The following AOPEP variants were observed in gnomAD, a reference collection of about 807,000 sequenced individuals.
The protein encoded by AOPEP is aminopeptidase O (putative), also known as aminopeptidase O.
In AOPEP, 77 loss-of-function variants were observed where a neutral mutation model predicts 98.1. The ratio of observed to expected loss-of-function variants is 0.78; its 90% confidence interval spans 0.65 to 0.95. AOPEP has a LOEUF of 0.95. Among genes scored for constraint, AOPEP ranks in the 40% least tolerant of loss-of-function variants. The pLI, the probability that AOPEP is intolerant of heterozygous loss-of-function variation, is 0.00. For missense variants in AOPEP, 1,024 were observed against 1,024.7 expected, an observed-to-expected ratio of 1.00 and a Z score of 0.01; for synonymous variants, 346 against 365.3, an observed-to-expected ratio of 0.95 and a Z score of 0.60.
chr9:94,852,722 C>T (rs184738729), intron 5 of AOPEP, among the ~76,000 whole-genome samples: 9 of 152,184 alleles, frequency 5.9e-5, no homozygotes, highest in East Asian at 3.8e-4. Flanking sequence ...TTTATTCTTA[C>T]GTATTTTATT....
intron 2 of AOPEP, among the ~76,000 whole-genome samples, chr9:94,765,495 G>A (rs1487686322): frequency 7.7e-6 from 1 of 129,906 alleles, no homozygotes; most frequent in Admixed American, 8.4e-5. Flanking sequence ...CAGCTACTTG[G>A]GAGGCTGAGG....
the AOPEP span, among the ~76,000 whole-genome samples, chr9:95,146,115 G>T: frequency 2.6e-5 from 4 of 152,046 alleles, no homozygotes; most frequent in Admixed American, 1.3e-4. Context: ...TTGTAGTTTT[G>T]TTTTTTTAAA....
intron 5 of AOPEP, among the ~76,000 whole-genome samples, chr9:94,805,998 T>C (rs781692924): frequency 2.0e-4 from 31 of 152,244 alleles, no homozygotes; most frequent in Non-Finnish European, 3.4e-4. Context: ...TTGAGAATTT[T>C]TCTTTGTTTG....
the AOPEP span, among the ~76,000 whole-genome samples, chr9:95,137,235 C>T: frequency 6.6e-6 from 1 of 152,128 alleles, no homozygotes; most frequent in Non-Finnish European, 1.5e-5. Flanking sequence ...ATGGGGAGAG[C>T]AGTTCCTAGA....
intron 5 of AOPEP, among the ~76,000 whole-genome samples, chr9:94,851,343 C>G (rs911810261): frequency 3.3e-5 from 5 of 152,136 alleles, no homozygotes; most frequent in Non-Finnish European, 7.3e-5. Flanking sequence ...CAGATATTTT[C>G]TCTTTGTATC....
intron 3 of AOPEP, among the ~76,000 whole-genome samples, chr9:94,789,477 G>A (rs1845169084): frequency 6.6e-6 from 1 of 152,010 alleles, no homozygotes; most frequent in South Asian, 2.1e-4. Flanking sequence ...TTAAACCAGA[G>A]GCTTTCAAAA....
At chr9:95,041,752 CT>C (rs1348470008) in intron 13 of AOPEP, among the ~76,000 whole-genome samples, 2 of 152,030 alleles carry the variant, frequency 1.3e-5, no homozygotes, top group Non-Finnish European at 2.9e-5. Flanking sequence ...CATGTTTGTC[CT>C]TTGTTTCATT....
intron 5 of AOPEP, among the ~76,000 whole-genome samples, chr9:94,873,916 T>C (rs6479579): frequency 0.95 from 144,850 of 152,212 alleles, 68,935 homozygotes; most frequent in Middle Eastern, 0.99. Flanking sequence ...ATTATACATC[T>C]TCTCTCAATG....
At chr9:94,960,412 GAA>G (rs771958751) in intron 9 of AOPEP, among the ~76,000 whole-genome samples, 5 of 132,476 alleles carry the variant, frequency 3.8e-5, no homozygotes, top group Admixed American at 7.6e-5. Flanking sequence ...CCATCTCAGG[GAA>G]AAAAAAAAAA....
chr9:94,903,387 G>A (rs1348911356), intron 5 of AOPEP, among the ~76,000 whole-genome samples: 2 of 152,042 alleles, frequency 1.3e-5, no homozygotes, highest in African/African-American at 4.8e-5. Flanking sequence ...CCCCATTGTG[G>A]GGGAAAGTGG....
intron 7 of AOPEP, chr9:94,933,525 G>T (rs1486761573): frequency 1.0e-6 from 1 of 985,254 alleles, no homozygotes; most frequent in African/African-American, 1.7e-5. Context: ...CCTCCACTTT[G>T]ATACAATGCT....
chr9:95,128,126 T>A, the AOPEP span, among the ~76,000 whole-genome samples: 1 of 152,166 alleles, frequency 6.6e-6, no homozygotes, highest in African/African-American at 2.4e-5. Context: ...TGTCAGTTAA[T>A]CTCCTGATGC....
chr9:95,005,413 G>T lies in AOPEP; in HGVS notation c.2041-129G>T, dbSNP rs1168874937. 4.3e-5 allele frequency: 43 copies of T among 1,003,488 alleles called. 1 individual carries two copies. In the East Asian group the frequency reaches 1.1e-3, roughly 25 times the overall value. The allele number at this position is 1,003,488 out of a possible 1,614,324, so 62.2% of individuals were successfully genotyped here. A position where few individuals can be genotyped will look rare whatever the true frequency, so the allele number is the denominator to read the frequency against. ...GGCGCCCGGCGAGTTCCGCGGGCGG[G>T]CGCGGGTGGCCTCCCGAGGTGCGGG... On this transcript the variant is annotated intron_variant, in intron 12 of 16. Coordinates refer to ENST00000375315, the MANE Select transcript of AOPEP (RefSeq NM_001193329.3).
chr9:94,740,635 A>G (rs886269582), intron 1 of AOPEP, among the ~76,000 whole-genome samples: 1 of 152,154 alleles, frequency 6.6e-6, no homozygotes, highest in African/African-American at 2.4e-5. Flanking sequence ...CATGAAAGTG[A>G]CCAGCCATGC....
At chr9:94,966,087 A>T (rs1232933203) in intron 9 of AOPEP, among the ~76,000 whole-genome samples, 1 of 144,944 alleles carries the variant, frequency 6.9e-6, no homozygotes, top group East Asian at 2.1e-4. Flanking sequence ...ACTGGGTGTC[A>T]TCAGAGTCCT....
intron 5 of AOPEP, among the ~76,000 whole-genome samples, chr9:94,873,374 A>C (rs1028894827): frequency 6.6e-6 from 1 of 152,208 alleles, no homozygotes; most frequent in African/African-American, 2.4e-5. Flanking sequence ...TATAATTTGA[A>C]AGTCCTGATT....
chr9:94,763,677 A>T (rs923828296), intron 2 of AOPEP, among the ~76,000 whole-genome samples: 3 of 152,212 alleles, frequency 2.0e-5, no homozygotes, highest in African/African-American at 7.2e-5. Context: ...AGCATCTTGT[A>T]ATGTCAGAAA....
At chr9:95,038,917 A>G (rs1222994365) in intron 13 of AOPEP, among the ~76,000 whole-genome samples, 1 of 152,180 alleles carries the variant, frequency 6.6e-6, no homozygotes, top group Non-Finnish European at 1.5e-5. Flanking sequence ...ACTTACGGAT[A>G]ACCTCGATGA....
At chr9:94,750,075 A>C (rs1416397742) in intron 1 of AOPEP, among the ~76,000 whole-genome samples, 2 of 152,198 alleles carry the variant, frequency 1.3e-5, no homozygotes, top group East Asian at 3.9e-4. Flanking sequence ...GAGCAATCAA[A>C]ATCTCAGTTT....
Sources: allele counts gnomAD v4.1 joint callset (sites outside exome capture counted in the v4.1 genomes callset), GRCh38; gene constraint gnomAD v4.1.1; transcripts MANE v1.5; gene names NCBI Gene and HGNC (gene_info 2026-07-23, HGNC 2026-07-21).